RBMS3: variants seen among roughly 807,000 people sequenced by gnomAD.
RBMS3 encodes RNA binding motif single stranded interacting protein 3.
Under a neutral mutation model 66.8 loss-of-function variants are expected in RBMS3, and 27 were observed. The observed-to-expected ratio is 0.40, with a 90% CI of 0.30 to 0.56. The LOEUF (loss-of-function observed/expected upper bound fraction) is 0.56, where lower values mean the gene tolerates loss of function less well. Ranked by LOEUF, RBMS3 falls within the 20% of genes least tolerant of loss-of-function variation. The pLI is 0.40. For synonymous variants in RBMS3, 188 were observed against 183.0 expected, an observed-to-expected ratio of 1.03 and a Z score of -0.22; for missense variants, 513 against 549.5, an observed-to-expected ratio of 0.93 and a Z score of 0.66.
intron 2 of RBMS3, among the ~76,000 whole-genome samples, chr3:29,450,364 G>A (rs902626423): frequency 2.6e-4 from 39 of 152,160 alleles, no homozygotes; most frequent in African/African-American, 8.7e-4. Context: ...TTGCCCCAAT[G>A]TTTTTATGGC....
At chr3:29,383,186 C>T (rs1350453073) in intron 1 of RBMS3, among the ~76,000 whole-genome samples, 1 of 152,120 alleles carries the variant, frequency 6.6e-6, no homozygotes, top group Admixed American at 6.5e-5. Flanking sequence ...GTGATCTTTT[C>T]CAAGATAGCA....
At chr3:29,762,792 G>C (rs79180200) in intron 5 of RBMS3, 118 bp from the exon 6 acceptor site, 8 of 694,758 alleles carry the variant, frequency 1.2e-5, no homozygotes, top group African/African-American at 1.8e-5. Flanking sequence ...AAAAAAGTTG[G>C]CAATTAGGGT....
chr3:29,282,660 A>G (rs1416252006), intron 1 of RBMS3, among the ~76,000 whole-genome samples: 2 of 152,098 alleles, frequency 1.3e-5, no homozygotes, highest in Non-Finnish European at 2.9e-5. Flanking sequence ...ATGTTAGCGG[A>G]GTGACCACCT....
intron 4 of RBMS3, among the ~76,000 whole-genome samples, chr3:29,739,359 A>C (rs374001178): frequency 1.3e-5 from 2 of 151,488 alleles, no homozygotes; most frequent in East Asian, 2.0e-4. Flanking sequence ...GGGAGGCTGA[A>C]GCAGGAGAAT....
In RBMS3 at chr3:29,587,222, G is replaced by T. The variant is rs142835049; in HGVS notation, c.399+17G>T. The T allele has an allele frequency of 7.7e-6, 6 of 781,108 alleles. No individual in the cohort carries two copies. The highest frequency in any genetic ancestry group is 3.5e-5 in the Admixed American group (1 of 28,528). 48.4% of individuals were successfully genotyped at this position (781,108 alleles called of 1,614,324 possible). A position where few individuals can be genotyped will look rare whatever the true frequency, so the allele number is the denominator to read the frequency against. Reference sequence around the variant, plus strand: ...ATGGCTAAGGTAAGATTGATGTTTAGGGGTGTTTTTTTTTTTTTTTTTTTT... The same window carrying T: ...ATGGCTAAGGTAAGATTGATGTTTATGGGTGTTTTTTTTTTTTTTTTTTTT... On this transcript the variant is annotated intron_variant, in intron 4 of 14. Transcript: ENST00000383767.
At chr3:29,327,328 C>T (rs2035398305) in intron 1 of RBMS3, among the ~76,000 whole-genome samples, 2 of 152,046 alleles carry the variant, frequency 1.3e-5, no homozygotes, top group Non-Finnish European at 2.9e-5. Flanking sequence ...TAAATTATGC[C>T]TGAAAAAATC....
At chr3:29,847,550 A>G (rs1340589396) in intron 6 of RBMS3, among the ~76,000 whole-genome samples, 1 of 152,200 alleles carries the variant, frequency 6.6e-6, no homozygotes, top group Non-Finnish European at 1.5e-5. Context: ...ACTCATTTAA[A>G]ATTATTTTTC....
At chr3:29,516,035 A>T (rs1024714438) in intron 3 of RBMS3, among the ~76,000 whole-genome samples, 3 of 152,172 alleles carry the variant, frequency 2.0e-5, no homozygotes, top group Non-Finnish European at 4.4e-5. Flanking sequence ...TGGACCAGGG[A>T]CTTTAAGGGT....
intron 3 of RBMS3, among the ~76,000 whole-genome samples, chr3:29,549,588 T>G (rs1394101428): frequency 6.6e-6 from 1 of 151,830 alleles, no homozygotes; most frequent in African/African-American, 2.4e-5. Context: ...TTAGTAGAGA[T>G]GGGGTTTCAC....
At chr3:29,690,593 A>C (rs2051960440) in intron 4 of RBMS3, among the ~76,000 whole-genome samples, 1 of 152,222 alleles carries the variant, frequency 6.6e-6, no homozygotes, top group South Asian at 2.1e-4. Flanking sequence ...ACAGTATTCA[A>C]GTGCTAAATT....
intron 4 of RBMS3, among the ~76,000 whole-genome samples, chr3:29,644,785 A>G (rs2049856404): frequency 6.6e-6 from 1 of 152,184 alleles, no homozygotes; most frequent in Non-Finnish European, 1.5e-5. Context: ...CATGGCTGAC[A>G]TTTTTATCGA....
intron 3 of RBMS3, among the ~76,000 whole-genome samples, chr3:29,510,716 C>G (rs1020520075): frequency 6.6e-6 from 1 of 152,096 alleles, no homozygotes; most frequent in Admixed American, 6.5e-5. Flanking sequence ...AATTTTAGAG[C>G]TTTTGGATTT....
intron 1 of RBMS3, among the ~76,000 whole-genome samples, chr3:29,337,050 CTA>C (rs757991403): frequency 3.3e-5 from 5 of 151,994 alleles, no homozygotes; most frequent in African/African-American, 1.2e-4. Flanking sequence ...AAAATTAACT[CTA>C]GAGTATTTAT....
chr3:29,327,745 T>G (rs1371224187), intron 1 of RBMS3, among the ~76,000 whole-genome samples: 2 of 151,998 alleles, frequency 1.3e-5, no homozygotes, highest in Non-Finnish European at 2.9e-5. Context: ...TGTAAGGGAG[T>G]ATTTTAGCCA....
intron 3 of RBMS3, chr3:29,556,247 C>T (rs2046358954): frequency 6.6e-6 from 1 of 152,098 alleles, no homozygotes; most frequent in African/African-American, 2.4e-5. Context: ...AGTTAACTAC[C>T]TTTCTGTTGG....
At chr3:29,802,877 T>C (rs1350787566) in intron 6 of RBMS3, among the ~76,000 whole-genome samples, 1 of 152,164 alleles carries the variant, frequency 6.6e-6, no homozygotes, top group African/African-American at 2.4e-5. Flanking sequence ...TTTATCCTTA[T>C]TATAAGACCC....
chr3:29,291,708 C>A (rs966052745), intron 1 of RBMS3, among the ~76,000 whole-genome samples: 1 of 151,640 alleles, frequency 6.6e-6, no homozygotes, highest in African/African-American at 2.4e-5. Context: ...TCCCCAGTTC[C>A]CACGGTTATT....
At chr3:29,615,102 A>G (rs2048618132) in intron 4 of RBMS3, 1 of 152,496 alleles carries the variant, frequency 6.6e-6, no homozygotes, top group Admixed American at 6.5e-5. Flanking sequence ...GCAGATCTTG[A>G]ACTTGAACTG....
chr3:29,350,053 G>C (rs1349829164), intron 1 of RBMS3, among the ~76,000 whole-genome samples: 2 of 151,774 alleles, frequency 1.3e-5, no homozygotes, highest in Admixed American at 6.6e-5. Flanking sequence ...CCAGCTACTC[G>C]GGCGGCTGAG....
Sources: allele counts gnomAD v4.1 joint callset (sites outside exome capture counted in the v4.1 genomes callset), GRCh38; gene constraint gnomAD v4.1.1; transcripts MANE v1.5; gene names NCBI Gene and HGNC (gene_info 2026-07-23, HGNC 2026-07-21).